The following CEP295 variants were observed in gnomAD, a reference collection of about 807,000 sequenced individuals.
The protein encoded by CEP295 is centrosomal protein 295, also known as centrosomal protein of 295 kDa.
In CEP295, 190 loss-of-function variants were observed where a neutral mutation model predicts 291.6. The observed-to-expected ratio is 0.65, with a 90% CI of 0.58 to 0.73. The LOEUF is 0.73. Ranked by LOEUF, CEP295 falls within the 30% of genes least tolerant of loss-of-function variation. CEP295 has a pLI of 0.00. For synonymous variants in CEP295, 993 were observed against 1,038.8 expected, an observed-to-expected ratio of 0.96 and a Z score of 0.85; for missense variants, 2,863 against 2,949.4, an observed-to-expected ratio of 0.97 and a Z score of 0.68.
chr11:93,723,031 C>A lies in CEP295; in HGVS notation c.5948-10C>A. 3 of 1,547,522 alleles carry A rather than the reference C, an allele frequency of 1.9e-6. No homozygotes were observed. In the South Asian group the frequency reaches 3.6e-5, roughly 19 times the overall value. On this transcript the variant is annotated splice_polypyrimidine_tract_variant and intron_variant, in intron 20 of 29. Transcript: ENST00000325212. ...CCTATTTACATATTTTCATTAAACT[C>A]AATTTTCAGAGTCATTTTCAGAGCA... is the stretch of plus-strand genomic sequence containing the variant.
intron 5 of CEP295, among the ~76,000 whole-genome samples, chr11:93,672,749 AATT>A (rs1352864008): frequency 6.6e-6 from 1 of 152,218 alleles, no homozygotes; most frequent in African/African-American, 2.4e-5. Flanking sequence ...AGTGATTTTA[AATT>A]ATTAACAGAT....
intron 18 of CEP295, among the ~76,000 whole-genome samples, chr11:93,707,744 G>C (rs556082962): frequency 2.6e-5 from 4 of 151,362 alleles, no homozygotes; most frequent in Non-Finnish European, 5.9e-5. Flanking sequence ...GCGAGACTCC[G>C]AGACTCCATC....
rs1443919373 is a variant in CEP295, at chr11:93,718,347, G to C, written c.5750-2965G>C. Among the ~76,000 whole-genome samples, 12 of 152,362 alleles carry C rather than the reference G, an allele frequency of 7.9e-5. 1 individual carries two copies. In the South Asian group the frequency reaches 2.5e-3, roughly 32 times the overall value. On this transcript the variant is annotated intron_variant, in intron 18 of 29. Transcript: ENST00000325212. ...TACTGTCTGCCCTTGTAGGAAAACA[G>C]GAAATGGTGCCTTCCTGCATGGCAT...
Position 93,728,812 on chromosome 11 carries a change from C to A in CEP295, c.7293C>A (p.Cys2431Ter). 1 of 1,538,030 alleles carries A rather than the reference C, an allele frequency of 6.5e-7. No homozygotes were observed. The highest frequency in any genetic ancestry group is 8.7e-7 in the Non-Finnish European group (1 of 1,143,754). Residue 2431 changes from cysteine to a stop codon, truncating the protein, a stop_gained, in exon 25 of 30, where the codon TGC (cysteine) becomes TGA (stop). Transcript: ENST00000325212. LOFTEE classifies it high-confidence loss of function. ...AGAAGAGCGAGAATGAAGCAAAATG[C>A]TTCTTTCAGGTAAATTTAAGCTTTC... ...LEEKSENEAK[C>*]FFQVSEFLPL...
Position 93,728,833 on chromosome 11 carries a change from CT to C in CEP295, c.7302+15del. 6.5e-7 allele frequency: 1 copy of C among 1,531,682 alleles called. No homozygotes were observed. The highest frequency in any genetic ancestry group is 8.8e-7 in the Non-Finnish European group (1 of 1,141,228). 94.9% of individuals were successfully genotyped at this position (1,531,682 alleles called of 1,614,324 possible). ...AATGCTTCTTTCAGGTAAATTTAAG[CT>C]TTCCTTCTATTTTATTCTATTACAA... is the stretch of plus-strand genomic sequence containing the variant. On this transcript the variant is annotated intron_variant, in intron 25 of 29. Transcript: ENST00000325212.
chr11:93,665,175 C>A (rs889287926), intron 1 of CEP295, among the ~76,000 whole-genome samples: 2 of 152,076 alleles, frequency 1.3e-5, no homozygotes, highest in Non-Finnish European at 2.9e-5. Flanking sequence ...GTGAGGGAGA[C>A]CTGAGAAATG....
Position 93,683,572 on chromosome 11 carries a change from T to A in CEP295, c.779T>A (p.Leu260Gln). Residue 260 changes from leucine to glutamine, a missense_variant, in exon 8 of 30, where the codon CTA (leucine) becomes CAA (glutamine). Physicochemically the swap from Leu to Gln is moderately radical, Grantham distance 113 (BLOSUM62 -2). Around this residue, in one of 3 missense-constraint regions of CEP295, gnomAD observed 554 missense variants for 576.0 expected, o/e 0.96. Coordinates refer to ENST00000325212, the MANE Select transcript of CEP295 (RefSeq NM_033395.2). The part of the protein sequence containing the change: ...KIHLAQNQEK[L>Q]MKELKQLQQE... Reference sequence around the variant, plus strand: ...TTATTCTTGAAGAATCAGGAGAAACTAATGAAAGAACTCAAACAGCTACAG... The same window carrying A: ...TTATTCTTGAAGAATCAGGAGAAACAAATGAAAGAACTCAAACAGCTACAG... 12 of 1,507,954 alleles carry A rather than the reference T, an allele frequency of 8.0e-6. No homozygotes were observed. Among genetic ancestry groups the A allele is most frequent in the Non-Finnish European group, 1.1e-5 (12 of 1,134,296 alleles). The allele number at this position is 1,507,954 out of a possible 1,614,324, so 93.4% of individuals were successfully genotyped here.
chr11:93,727,638 G>T lies in CEP295; in HGVS notation c.7161+1G>T, dbSNP rs1565225546. ...ATTACAGAGCTCTATACCAGTCTGG[G>T]TAAGTGAAATCAGTGTTGTATAAAT... On this transcript the variant is annotated splice_donor_variant, in intron 24 of 29. Coordinates refer to ENST00000325212, the MANE Select transcript of CEP295 (RefSeq NM_033395.2). LOFTEE classifies it high-confidence loss of function. 6.6e-7 allele frequency: 1 copy of T among 1,518,582 alleles called. No homozygotes were observed. The highest frequency in any genetic ancestry group is 2.5e-5 in the East Asian group (1 of 40,690). 94.1% of individuals were successfully genotyped at this position (1,518,582 alleles called of 1,614,324 possible). A position where few individuals can be genotyped will look rare whatever the true frequency, so the allele number is the denominator to read the frequency against.
intron 1 of CEP295, among the ~76,000 whole-genome samples, chr11:93,664,957 G>T (rs1950142724): frequency 6.6e-6 from 1 of 152,138 alleles, no homozygotes. Context: ...AACTGTAATT[G>T]ATGAAAAACT....
At chr11:93,684,506 G>C (rs532575075) in intron 9 of CEP295, among the ~76,000 whole-genome samples, 1 of 152,328 alleles carries the variant, frequency 6.6e-6, no homozygotes, top group Non-Finnish European at 1.5e-5. Flanking sequence ...GAATCTGGGA[G>C]TAGCCAACCT....
rs1331163444 is a variant in CEP295 at position 93,696,956 on chromosome 11, T to G, written c.2044T>G (p.Phe682Val). 2 of 1,551,936 alleles carry G rather than the reference T, an allele frequency of 1.3e-6. No homozygotes were observed. Among genetic ancestry groups the G allele is most frequent in the East Asian group, 2.4e-5 (1 of 40,908 alleles). The change falls in exon 15 of 30, where the codon TTT (phenylalanine) becomes GTT (valine). Residue 682 changes from phenylalanine to valine, a missense_variant. Transcript: ENST00000325212. ...DHFQVARQNHFPQRQVETTET... is the reference protein window; with the variant it reads ...DHFQVARQNHVPQRQVETTET... ...TTTTCAGGTAGCGAGACAAAATCAC[T>G]TTCCACAAAGACAGGTGGAAACAAC...
intron 24 of CEP295, 55 bp downstream of exon 24, chr11:93,727,692 CT>C (rs1298088218): frequency 2.4e-5 from 33 of 1,360,300 alleles, no homozygotes; most frequent in Non-Finnish European, 2.9e-5. Context: ...TGGGAAAAAA[CT>C]TTTTTCTTCT....
At chr11:93,672,585 G>T (rs1663289052) in intron 5 of CEP295, among the ~76,000 whole-genome samples, 2 of 152,016 alleles carry the variant, frequency 1.3e-5, no homozygotes, top group Admixed American at 1.3e-4. Context: ...ACAGTGCCTG[G>T]CATTTTTTTT....
At chr11:93,720,352 A>G (rs1055034592) in intron 18 of CEP295, among the ~76,000 whole-genome samples, 1 of 151,934 alleles carries the variant, frequency 6.6e-6, no homozygotes, top group African/African-American at 2.4e-5. Flanking sequence ...GTGTGCCTGT[A>G]ATCCCAGCTA....
chr11:93,667,454 C>T (rs1174495883), intron 2 of CEP295, among the ~76,000 whole-genome samples, 153 bp from the exon 3 acceptor site: 1 of 152,160 alleles, frequency 6.6e-6, no homozygotes, highest in Non-Finnish European at 1.5e-5. Flanking sequence ...CTCAGATTTT[C>T]TGCTTTAAAT....
chr11:93,674,918 A>G (rs67310816), intron 5 of CEP295, among the ~76,000 whole-genome samples: 15,362 of 152,222 alleles, frequency 0.1, 862 homozygotes, highest in East Asian at 0.25. Context: ...AACACATAGT[A>G]GGCACTTAAT....
chr11:93,721,649 A>G (rs1443230489), intron 19 of CEP295: 5 of 737,608 alleles, frequency 6.8e-6, no homozygotes, highest in Non-Finnish European at 1.2e-5. Flanking sequence ...ATGTAAAACA[A>G]TAAGGGCATA....
At chr11:93,724,153 T>C in intron 21 of CEP295, 101 bp from the exon 22 acceptor site, 2 of 1,112,614 alleles carry the variant, frequency 1.8e-6, no homozygotes, top group Non-Finnish European at 1.3e-6. Context: ...AATAAGCGTT[T>C]ATGAATATGT....
rs60226346 is a variant in CEP295 at position 93,687,848 on chromosome 11, C to T, written c.1319C>T (p.Ser440Phe). 2,797 of 1,550,136 alleles carry T rather than the reference C, an allele frequency of 1.8e-3. 45 individuals carry two copies. The African/African-American group carries it at 0.032, about 18-fold the overall frequency. The change falls in exon 10 of 30, where the codon TCC becomes TTC. Residue 440 changes from serine (S) to phenylalanine (F), a missense_variant. Transcript: ENST00000325212. ...GTIASKERTL[S>F]SGQEQVVESD... ...ATTGCCAGCAAAGAGAGAACGTTAT[C>T]CTCTGGGCAGGAACAAGGTATTTCT...
Sources: gnomAD v4.1 joint callset for allele counts (sites outside exome capture counted in the v4.1 genomes callset) on GRCh38, gnomAD v4.1.1 for gene constraint, gnomAD v4.1.1 regional missense constraint, MANE v1.5 for transcripts, NCBI Gene and HGNC (gene_info 2026-07-23, HGNC 2026-07-21) for gene names.